RYR1: variants seen among roughly 807,000 people sequenced by gnomAD.
The protein encoded by RYR1 is central core disease of muscle.
RYR1 carries 342 observed loss-of-function variants against 583.5 expected under a neutral mutation model. The ratio of observed to expected loss-of-function variants is 0.59; its 90% CI spans 0.54 to 0.64. RYR1 has a LOEUF of 0.64. Ranked by LOEUF, RYR1 falls within the 30% of genes least tolerant of loss-of-function variation. The probability of loss-of-function intolerance (pLI) is 0.00; values close to 1 mark genes in which losing one functional copy is unlikely to be tolerated. For missense variants in RYR1, 6,032 were observed against 6,917.2 expected, an observed-to-expected ratio of 0.87 and a Z score of 4.54; for synonymous variants, 2,791 against 2,822.5, an observed-to-expected ratio of 0.99 and a Z score of 0.35.
intron 60 of RYR1, among the ~76,000 whole-genome samples, chr19:38,511,260 T>C (rs1170133463): frequency 6.6e-6 from 1 of 151,994 alleles, no homozygotes; most frequent in African/African-American, 2.4e-5. Flanking sequence ...CGTGCCACTG[T>C]ACTCCAGCCT....
intron 97 of RYR1, among the ~76,000 whole-genome samples, chr19:38,576,593 C>G (rs1172119584): frequency 6.6e-6 from 1 of 152,162 alleles, no homozygotes; most frequent in East Asian, 1.9e-4. Flanking sequence ...GGGCAGATCA[C>G]TTGAGGTCAG....
chr19:38,494,853 C>CTTTT (rs1226486711), intron 39 of RYR1, among the ~76,000 whole-genome samples: 3 of 127,382 alleles, frequency 2.4e-5, no homozygotes, highest in African/African-American at 6.1e-5. Flanking sequence ...CCACCCCCCC[C>CTTTT]TTTTTTTTTT....
At chr19:38,577,849 C>T (rs143867312) in intron 97 of RYR1, 69 bp from the exon 98 acceptor site, 44 of 1,602,236 alleles carry the variant, frequency 2.7e-5, no homozygotes, top group Admixed American at 5.0e-5. Flanking sequence ...TCCCCAGAAC[C>T]CCCTTGCAGG....
In RYR1 at chr19:38,492,574, G is replaced by A. The variant is rs139775280; in HGVS notation, c.6212G>A (p.Arg2071Gln). The change falls in exon 38 of 106, where the codon CGG becomes CAG. Residue 2071 changes from arginine (R) to glutamine (Q), a missense_variant. Transcript: ENST00000359596. ...SRLMSLLEKV[R>Q]LVKKKEEKPE... ...CTCATGAGCCTGTTGGAGAAAGTGCGGCTGGTGAAGAAGAAGGAAGAGAAA... is the reference window on the plus strand; with the variant it reads ...CTCATGAGCCTGTTGGAGAAAGTGCAGCTGGTGAAGAAGAAGGAAGAGAAA... 1.9e-5 allele frequency: 30 copies of A among 1,614,074 alleles called. No individual in the cohort carries two copies. In the East Asian group the frequency reaches 3.3e-4, roughly 18 times the overall value.
Position 38,565,088 on chromosome 19 carries a change from G to C in RYR1, c.12754G>C (p.Glu4252Gln), listed in dbSNP as rs1973328675. 7 of 1,553,532 alleles carry C rather than the reference G, an allele frequency of 4.5e-6. No homozygotes were observed. The highest frequency in any genetic ancestry group is 5.2e-6 in the Non-Finnish European group (6 of 1,151,688). Residue 4252 changes from glutamate to glutamine, a missense_variant, in exon 91 of 106, where the codon GAG becomes CAG. Around this residue, in one of 11 missense-constraint regions of RYR1, gnomAD observed 753 missense variants for 759.6 expected, o/e 0.99. Transcript: ENST00000359596. The surrounding 1 kb of genome is among the most constrained non-coding windows in gnomAD (Gnocchi z 4.7). Reference sequence around the variant, plus strand: ...GATGCAGATCGCCGCGCAGATCTCGGAGCCCGAGGGCGAGCCGGAGACCGA... The same window carrying C: ...GATGCAGATCGCCGCGCAGATCTCGCAGCCCGAGGGCGAGCCGGAGACCGA... The part of the protein sequence containing the change: ...FEMQIAAQIS[E>Q]PEGEPETDED...
At chr19:38,504,420 G>A in intron 50 of RYR1, 60 bp downstream of exon 50, 1 of 1,592,456 alleles carries the variant, frequency 6.3e-7, no homozygotes, top group Non-Finnish European at 8.6e-7. Context: ...CCAAAATTGG[G>A]GGTCCAGAGT....
chr19:38,485,377 G>A (rs551546763), intron 33 of RYR1, among the ~76,000 whole-genome samples: 56 of 152,296 alleles, frequency 3.7e-4, no homozygotes, highest in African/African-American at 1.3e-3. Flanking sequence ...TTCGACACTC[G>A]TCTAAGCATC....
chr19:38,462,780 A>T (rs1306561914), intron 20 of RYR1, among the ~76,000 whole-genome samples: 3 of 151,316 alleles, frequency 2.0e-5, no homozygotes, highest in Non-Finnish European at 4.4e-5. Context: ...TGGGCTGGAT[A>T]GGGCTGGGGA....
rs145776846 is a variant in RYR1 at position 38,586,207 on chromosome 19, G to A, written c.14969+16G>A. 8.3e-4 allele frequency: 1,332 copies of A among 1,610,354 alleles called. 15 individuals are homozygous for A. The African/African-American group carries it at 0.015, about 19-fold the overall frequency. On this transcript the variant is annotated intron_variant, in intron 104 of 105. Coordinates refer to ENST00000359596, the MANE Select transcript of RYR1 (RefSeq NM_000540.3). ...CCAATTACATGTGAGCAGACACACT[G>A]GCCAGTCAGGAGGGTGGGGGGCATG...
chr19:38,566,448 CAAAAAAAAAAAAA>C (rs71165563), intron 91 of RYR1, among the ~76,000 whole-genome samples: 32 of 51,066 alleles, frequency 6.3e-4, no homozygotes, highest in African/African-American at 1.7e-3. Context: ...GACTCTGTCT[CAAAAAAAAAAAAA>C]AAAAAAAAAA....
In RYR1 at chr19:38,566,891, G is replaced by T; in HGVS notation, c.13438-20G>T. The stretch of plus-strand genomic sequence containing the variant: ...GCGCTTAGGGTGAGGACTCAGCCCT[G>T]ATGCTTGCCCTGTCCCTAGGTGGAT... On this transcript the variant is annotated intron_variant, in intron 91 of 105. Coordinates refer to ENST00000359596, the MANE Select transcript of RYR1 (RefSeq NM_000540.3). 6.3e-7 allele frequency: 1 copy of T among 1,597,116 alleles called. No homozygotes were observed. Among genetic ancestry groups the T allele is most frequent in the East Asian group, 2.3e-5 (1 of 44,230 alleles).
chr19:38,493,515 C>CTTTTTT (rs1568492618), intron 38 of RYR1, among the ~76,000 whole-genome samples: 2 of 143,078 alleles, frequency 1.4e-5, no homozygotes, highest in African/African-American at 5.2e-5. Context: ...TTTTCTTTTT[C>CTTTTTT]GTTTTTTTTT....
intron 58 of RYR1, among the ~76,000 whole-genome samples, chr19:38,509,871 G>A (rs915740289): frequency 1.3e-4 from 20 of 150,830 alleles, no homozygotes; most frequent in Non-Finnish European, 2.8e-4. Flanking sequence ...TGTTTCATTT[G>A]GTTCATTCAT....
In RYR1 at chr19:38,505,824, TG is replaced by T; in HGVS notation, c.8421del (p.Trp2807CysfsTer7). 1 of 1,614,074 alleles carries T rather than the reference TG, an allele frequency of 6.2e-7. No individual in the cohort carries two copies. The highest frequency in any genetic ancestry group is 1.3e-5 in the African/African-American group (1 of 74,998). ...ACCCCAGGACAAAGAGATTTACCGC[TG>T]GCCCATCAAGGAGTCCCTGAAGGCC... ...FSEKDKEIYRWPIKESLKAMI... is the reference protein window; with the variant it reads ...FSEKDKEIYRXPIKESLKAMI... On this transcript the variant is annotated frameshift_variant, in exon 54 of 106. Transcript: ENST00000359596. LOFTEE classifies it high-confidence loss of function.
rs55845760 is a variant in RYR1, at chr19:38,475,312, T to C, written c.4161-6T>C. 0.13 allele frequency: 199,851 copies of C among 1,573,956 alleles called. 16,688 individuals are homozygous for C. The highest frequency in any genetic ancestry group is 0.4 in the African/African-American group (29,874 of 73,836). ...GCTCTCATGGCGCCTCTCCTCCCAC[T>C]ACCAGCTTCTTATTCAAGGCCAAGA... is the stretch of plus-strand genomic sequence containing the variant. On this transcript the variant is annotated splice_polypyrimidine_tract_variant and splice_region_variant and intron_variant, in intron 28 of 105. Coordinates refer to ENST00000359596, the MANE Select transcript of RYR1 (RefSeq NM_000540.3).
intron 11 of RYR1, among the ~76,000 whole-genome samples, chr19:38,450,808 G>A (rs1967036809): frequency 2.8e-5 from 4 of 144,010 alleles, no homozygotes; most frequent in Admixed American, 2.7e-4. Context: ...AAGGGAAGAT[G>A]GAGCCTCCAT....
rs562668984 is a variant in RYR1, at chr19:38,485,740, C to T, written c.5085C>T (p.His1695=). The T allele has an allele frequency of 2.5e-6, 4 of 1,612,818 alleles. No homozygotes were observed. Among genetic ancestry groups the T allele is most frequent in the Admixed American group, 3.3e-5 (2 of 60,018 alleles). The part of the protein sequence containing the change: ...CSHVDQAQLL[H]ALEDAHLPGP... ...ACGTAGACCAAGCTCAGCTGCTGCA[C>T]GCCCTGGAGGACGCGCACCTGCCAG... Residue 1695 remains histidine, a synonymous_variant, in exon 34 of 106, where the codon CAC becomes CAT. Coordinates refer to ENST00000359596, the MANE Select transcript of RYR1 (RefSeq NM_000540.3).
Position 38,443,742 on chromosome 19 carries a change from C to T in RYR1, c.370C>T (p.Arg124Cys), listed in dbSNP as rs765121148. ...RMYLSCLTTS[R>C]SMTDKLAFDV... The stretch of plus-strand genomic sequence containing the variant: ...GTATCTGAGCTGCCTCACCACCTCC[C>T]GCTCCATGACTGACAAGCTGGCCTT... Residue 124 changes from arginine to cysteine, a missense_variant, in exon 5 of 106, where the codon CGC (arginine) becomes TGC (cysteine). Physicochemically the swap from Arg to Cys is radical, Grantham distance 180. This residue lies in a region of RYR1 where 338 missense variants were observed against 441.6 expected (regional missense o/e 0.77). Transcript: ENST00000359596. 20 of 1,614,002 alleles carry T rather than the reference C, an allele frequency of 1.2e-5. No homozygotes were observed. Among genetic ancestry groups the T allele is most frequent in the Admixed American group, 1.0e-4 (6 of 60,002 alleles).
chr19:38,507,584 A>T, intron 57 of RYR1, 128 bp from the exon 58 acceptor site: 1 of 727,672 alleles, frequency 1.4e-6, no homozygotes, highest in South Asian at 1.4e-5. Flanking sequence ...CTCAGAGTGG[A>T]GCCCCAACCT....
Sources: gnomAD v4.1 joint callset for allele counts (sites outside exome capture counted in the v4.1 genomes callset) on GRCh38, gnomAD v4.1.1 for gene constraint, gnomAD v4.1.1 regional missense constraint, Gnocchi (gnomAD v3.1) non-coding constraint, MANE v1.5 for transcripts, NCBI Gene and HGNC (gene_info 2026-07-23, HGNC 2026-07-21) for gene names.